The following LRRC57 variants were observed in gnomAD, a reference collection of about 807,000 sequenced individuals.
LRRC57 encodes the protein leucine rich repeat containing 57.
In LRRC57, 14 loss-of-function variants were observed where a neutral mutation model predicts 23.1. The observed-to-expected ratio is 0.61, with a 90% CI of 0.40 to 0.95. LRRC57 has a LOEUF of 0.95. LRRC57 is among the 40% of genes least tolerant of loss of function. The probability of loss-of-function intolerance (pLI) is 0.00; values close to 1 mark genes in which losing one functional copy is unlikely to be tolerated. For synonymous variants in LRRC57, 106 were observed against 115.2 expected (o/e 0.92, Z 0.51); for missense variants, 236 against 284.4 (o/e 0.83, Z 1.22).
chr15:42,544,906 T>C (rs1454758076), intron 5 of LRRC57, among the ~76,000 whole-genome samples, 171 bp downstream of exon 5: 4 of 148,866 alleles, frequency 2.7e-5, no homozygotes, highest in Non-Finnish European at 5.9e-5. Context: ...AAGCTGTCTA[T>C]AGAGAAAAAG....
intron 3 of LRRC57, chr15:42,547,760 G>A: frequency 3.6e-6 from 2 of 549,036 alleles, no homozygotes; most frequent in East Asian, 3.0e-5. Flanking sequence ...TTTGTAAAGG[G>A]GCCCAAGGCA....
intron 4 of LRRC57, among the ~76,000 whole-genome samples, chr15:42,546,661 C>T (rs2057659530): frequency 6.6e-6 from 1 of 152,162 alleles, no homozygotes. Context: ...AGACAAGAAT[C>T]TTTGGATTGG....
chr15:42,528,804 T>G, the LRRC57 span, among the ~76,000 whole-genome samples: 1 of 152,164 alleles, frequency 6.6e-6, no homozygotes, highest in African/African-American at 2.4e-5. Flanking sequence ...CAGGCTGGTC[T>G]TGGACTCCTG....
the LRRC57 span, chr15:42,531,796 A>G: frequency 5.0e-6 from 1 of 200,996 alleles, no homozygotes; most frequent in Non-Finnish European, 1.0e-5. Context: ...ATTGCCAAAG[A>G]CAGCCATGAA....
At chr15:42,537,551 G>A (rs1417600235), downstream of LRRC57, among the ~76,000 whole-genome samples, 5 of 152,002 alleles carry the variant, frequency 3.3e-5, no homozygotes, top group Admixed American at 2.0e-4. Flanking sequence ...TTTATTGAAA[G>A]GAAAGGAAAT....
At chr15:42,545,340 CA>C in intron 4 of LRRC57, 78 bp from the exon 5 acceptor site, 1 of 979,400 alleles carries the variant, frequency 1.0e-6, no homozygotes, top group Non-Finnish European at 1.4e-6. Context: ...TAAAACAAAA[CA>C]AAAATCTTTA....
In LRRC57 at chr15:42,540,673, C is replaced by T. The variant is rs2057624188; in HGVS notation, c.*3410G>A. 1 of 152,174 alleles carries T rather than the reference C, an allele frequency of 6.6e-6. No individual in the cohort carries two copies. Among genetic ancestry groups the T allele is most frequent in the South Asian group, 2.1e-4 (1 of 4,828 alleles). 9.4% of individuals were successfully genotyped at this position (152,174 alleles called of 1,614,324 possible). A position where few individuals can be genotyped will look rare whatever the true frequency, so the allele number is the denominator to read the frequency against. The stretch of plus-strand genomic sequence containing the variant: ...TTGTGAAGGGTGGTAGTTGTGGATT[C>T]TGATAAGAGTGTGGATTAAACTCCA... On this transcript the variant is annotated 3_prime_UTR_variant, in exon 6 of 6. Coordinates refer to ENST00000397130, the MANE Select transcript of LRRC57 (RefSeq NM_153260.3).
At chr15:42,535,474 C>G (rs1338750269), downstream of LRRC57, among the ~76,000 whole-genome samples, 1 of 147,716 alleles carries the variant, frequency 6.8e-6, no homozygotes, top group African/African-American at 2.5e-5. Context: ...GAGACAGAGT[C>G]TTGCTCTGTC....
At chr15:42,548,560 G>C (rs1181066744) in intron 1 of LRRC57, 104 bp from the exon 2 acceptor site, 25 of 896,282 alleles carry the variant, frequency 2.8e-5, no homozygotes, top group Non-Finnish European at 4.2e-5. Flanking sequence ...TGGCTCCTGG[G>C]GCCCGACCCA....
chr15:42,529,327 G>T, the LRRC57 span, among the ~76,000 whole-genome samples: 3 of 152,160 alleles, frequency 2.0e-5, no homozygotes, highest in Non-Finnish European at 4.4e-5. Flanking sequence ...TTATTAAACC[G>T]TAGGTTTCTG....
At position 42,538,736 on chromosome 15, in the gene LRRC57, T is replaced by C. The variant is rs1457843362; in HGVS notation, c.*5347A>G. ...AGTTTTTTGCAACATACCTGAGAGGTAGGAGCTATTCCCTATATTTACAAG... is the reference window on the plus strand; with the variant it reads ...AGTTTTTTGCAACATACCTGAGAGGCAGGAGCTATTCCCTATATTTACAAG... On this transcript the variant is annotated 3_prime_UTR_variant, in exon 6 of 6. Transcript: ENST00000397130. The C allele has an allele frequency of 6.6e-6, 1 of 152,198 alleles. No homozygotes were observed. Among genetic ancestry groups the C allele is most frequent in the Non-Finnish European group, 1.5e-5 (1 of 68,024 alleles). 9.4% of individuals were successfully genotyped at this position (152,198 alleles called of 1,614,324 possible). A position where few individuals can be genotyped will look rare whatever the true frequency, so the allele number is the denominator to read the frequency against.
chr15:42,547,650 CAT>C (rs1390996333), intron 3 of LRRC57, 121 bp from the exon 4 acceptor site: 13 of 875,310 alleles, frequency 1.5e-5, no homozygotes, highest in Admixed American at 2.6e-5. Flanking sequence ...AAAACTCCCA[CAT>C]GTGCCATTTT....
In LRRC57 at chr15:42,542,059, T is replaced by TG. The variant is rs1237061423; in HGVS notation, c.*2023_*2024insC. ...CAGGCGTGAGCCACCGCGCCCGGCC[T>TG]TTTTTTTTTTTTTTGAGACGCAGTC... On this transcript the variant is annotated 3_prime_UTR_variant, in exon 6 of 6. Coordinates refer to ENST00000397130, the MANE Select transcript of LRRC57 (RefSeq NM_153260.3). The TG allele has an allele frequency of 1.6e-5, 2 of 122,300 alleles. No individual in the cohort carries two copies. The highest frequency in any genetic ancestry group is 4.2e-4 in the East Asian group (2 of 4,738). The allele number at this position is 122,300 out of a possible 1,614,324, so 7.6% of individuals were successfully genotyped here. A position where few individuals can be genotyped will look rare whatever the true frequency, so the allele number is the denominator to read the frequency against.
chr15:42,547,902 A>G, intron 3 of LRRC57: 2 of 589,356 alleles, frequency 3.4e-6, no homozygotes, highest in East Asian at 2.9e-5. Context: ...TTAACCCAGT[A>G]ACAATCATTA....
At chr15:42,545,291 G>GA (rs749606631) in intron 4 of LRRC57, 29 bp from the exon 5 acceptor site, 1 of 1,509,256 alleles carries the variant, frequency 6.6e-7, no homozygotes, top group South Asian at 1.3e-5. Flanking sequence ...AGAATAACAG[G>GA]AAAAAGCATA....
chr15:42,545,337 A>C, intron 4 of LRRC57, 75 bp from the exon 5 acceptor site: 1 of 1,019,442 alleles, frequency 9.8e-7, no homozygotes, highest in South Asian at 2.5e-5. Flanking sequence ...CATTAAAACA[A>C]AACAAAAATC....
In LRRC57 at chr15:42,541,093, GA is replaced by G. The variant is rs2057626739; in HGVS notation, c.*2989del. 1 of 151,562 alleles carries G rather than the reference GA, an allele frequency of 6.6e-6. No homozygotes were observed. Among genetic ancestry groups the G allele is most frequent in the Non-Finnish European group, 1.5e-5 (1 of 67,902 alleles). 9.4% of individuals were successfully genotyped at this position (151,562 alleles called of 1,614,324 possible). On this transcript the variant is annotated 3_prime_UTR_variant, in exon 6 of 6. Transcript: ENST00000397130. Reference sequence around the variant, plus strand: ...AGATGAGAAGTACTGATAAAACACAGAAATGTTAATTGTTCAGTAGATCAAT... The same window carrying G: ...AGATGAGAAGTACTGATAAAACACAGAATGTTAATTGTTCAGTAGATCAAT...
downstream of LRRC57, among the ~76,000 whole-genome samples, chr15:42,536,666 T>C (rs1388414511): frequency 9.2e-5 from 14 of 152,226 alleles, no homozygotes; most frequent in Admixed American, 8.5e-4. Flanking sequence ...CCATCATGCA[T>C]TAGAAATGGC....
rs767096792 is a variant in LRRC57 at position 42,548,336 on chromosome 15, C to A, written c.84+15G>T. On this transcript the variant is annotated intron_variant, in intron 2 of 5. Coordinates refer to ENST00000397130, the MANE Select transcript of LRRC57 (RefSeq NM_153260.3). ...CTCCCTTTAAGTTCCCTGGTCGTGT[C>A]CCTCCCAGTCTCACCTCGGTCAGCC... The A allele has an allele frequency of 9.3e-6, 15 of 1,614,168 alleles. No homozygotes were observed. The highest frequency in any genetic ancestry group is 3.3e-5 in the South Asian group (3 of 91,088).
Sources: allele counts gnomAD v4.1 joint callset (sites outside exome capture counted in the v4.1 genomes callset), GRCh38; gene constraint gnomAD v4.1.1; transcripts MANE v1.5; gene names NCBI Gene and HGNC (gene_info 2026-07-23, HGNC 2026-07-21).